Variants in DAAM1 observed in about 807,000 individuals in gnomAD.
DAAM1 encodes dishevelled associated activator of morphogenesis 1.
A neutral mutation model predicts 130.0 loss-of-function variants in DAAM1; 52 were observed. The ratio of observed to expected loss-of-function variants is 0.40; its 90% CI spans 0.32 to 0.50. The LOEUF (loss-of-function observed/expected upper bound fraction) is 0.50, where lower values mean the gene tolerates loss of function less well. DAAM1 is among the 20% of genes least tolerant of loss of function. The probability of loss-of-function intolerance (pLI) is 0.61; values close to 1 mark genes in which losing one functional copy is unlikely to be tolerated. For missense variants in DAAM1, 1,134 were observed against 1,303.8 expected (o/e 0.87, Z 2.01); for synonymous variants, 452 against 444.5 (o/e 1.02, Z -0.21).
At chr14:59,325,257 C>T (rs1344326191) in intron 8 of DAAM1, among the ~76,000 whole-genome samples, 1 of 152,130 alleles carries the variant, frequency 6.6e-6, no homozygotes, top group Non-Finnish European at 1.5e-5. Flanking sequence ...ATAGTAGGAG[C>T]TCAATACATA....
intron 15 of DAAM1, among the ~76,000 whole-genome samples, chr14:59,337,966 T>G (rs1885693718): frequency 6.6e-6 from 1 of 152,210 alleles, no homozygotes; most frequent in Admixed American, 6.5e-5. Context: ...CTATTAACAG[T>G]AGGAATAGTT....
chr14:59,295,170 A>T (rs1253020), intron 3 of DAAM1, among the ~76,000 whole-genome samples: 149,811 of 152,332 alleles, frequency 0.98, 73,712 homozygotes, highest in East Asian at 1. Context: ...TTTCCTGCTT[A>T]GTTTCTGATC....
intron 16 of DAAM1, among the ~76,000 whole-genome samples, chr14:59,346,657 GTC>G (rs1215360889): frequency 6.6e-6 from 1 of 152,090 alleles, no homozygotes; most frequent in Non-Finnish European, 1.5e-5. Flanking sequence ...AAAGGAGTGA[GTC>G]TCTTGTTGCA....
intron 5 of DAAM1, among the ~76,000 whole-genome samples, chr14:59,321,794 A>G (rs1405079403): frequency 2.0e-5 from 3 of 152,248 alleles, no homozygotes; most frequent in Non-Finnish European, 4.4e-5. Flanking sequence ...GATCTAGACT[A>G]TCCTAACTGT....
chr14:59,365,344 G>T (rs2031801), intron 23 of DAAM1, among the ~76,000 whole-genome samples: 183 of 152,306 alleles, frequency 1.2e-3, no homozygotes, highest in Non-Finnish European at 2.0e-3. Flanking sequence ...GTTGTAGACT[G>T]GCTATTGCTA....
intron 3 of DAAM1, among the ~76,000 whole-genome samples, chr14:59,301,905 C>T (rs977970609): frequency 3.3e-5 from 5 of 152,142 alleles, no homozygotes; most frequent in African/African-American, 1.2e-4. Context: ...ATTGTAAAAG[C>T]AGTGAAAAAT....
chr14:59,256,915 T>C (rs1881917179), intron 1 of DAAM1, among the ~76,000 whole-genome samples: 1 of 152,162 alleles, frequency 6.6e-6, no homozygotes, highest in African/African-American at 2.4e-5. Flanking sequence ...TTGGGCAAAA[T>C]GTTGACTGAA....
intron 1 of DAAM1, among the ~76,000 whole-genome samples, chr14:59,235,764 G>C (rs981665010): frequency 1.3e-5 from 2 of 152,082 alleles, no homozygotes; most frequent in Admixed American, 1.3e-4. Context: ...CTAGCTTTCT[G>C]ATGTGGGCAT....
At chr14:59,351,302 A>T (rs1378455018) in intron 17 of DAAM1, among the ~76,000 whole-genome samples, 1 of 152,078 alleles carries the variant, frequency 6.6e-6, no homozygotes, top group Non-Finnish European at 1.5e-5. Context: ...AATCATTTTT[A>T]ATCTCTTCTA....
rs115522775 is a variant in DAAM1 at position 59,358,994 on chromosome 14, G to A, written c.2526-403G>A. Reference sequence around the variant, plus strand: ...AAGCCTACTAGTTATAAACCTGCAGGGCACACCCCATTTTAGGGTGGATCC... The same window carrying A: ...AAGCCTACTAGTTATAAACCTGCAGAGCACACCCCATTTTAGGGTGGATCC... On this transcript the variant is annotated intron_variant, in intron 20 of 24. Transcript: ENST00000360909. Among the ~76,000 whole-genome samples the A allele has an allele frequency of 2.0e-3, 305 of 152,086 alleles. 1 individual carries two copies. Among genetic ancestry groups the A allele is most frequent in the African/African-American group, 7.2e-3 (297 of 41,460 alleles).
At position 59,369,781 on chromosome 14, in the gene DAAM1, ATGGGGTGCCTTTTTGT is replaced by A. The variant is rs1276750910; in HGVS notation, c.*924_*939del. Reference sequence around the variant, plus strand: ...AAAAAAAAAAAAAAAAAAAAAATTAATGGGGTGCCTTTTTGTTATAGTTTCTATTTTCTGTTTTGTA... The same window carrying A: ...AAAAAAAAAAAAAAAAAAAAAATTAATATAGTTTCTATTTTCTGTTTTGTA... On this transcript the variant is annotated 3_prime_UTR_variant, in exon 25 of 25. Coordinates refer to ENST00000360909, the MANE Select transcript of DAAM1 (RefSeq NM_001270520.2). 2 of 139,930 alleles carry A rather than the reference ATGGGGTGCCTTTTTGT, an allele frequency of 1.4e-5. No individual in the cohort carries two copies. Among genetic ancestry groups the A allele is most frequent in the East Asian group, 4.3e-4 (2 of 4,666 alleles). The allele number at this position is 139,930 out of a possible 1,614,324, so 8.7% of individuals were successfully genotyped here. A position where few individuals can be genotyped will look rare whatever the true frequency, so the allele number is the denominator to read the frequency against.
intron 3 of DAAM1, among the ~76,000 whole-genome samples, chr14:59,304,736 T>G (rs1481241453): frequency 6.6e-6 from 1 of 152,216 alleles, no homozygotes; most frequent in East Asian, 1.9e-4. Flanking sequence ...ATGAGTACAT[T>G]GTAGAGTTTA....
chr14:59,363,406 A>G lies in DAAM1; in HGVS notation c.2695-245A>G, dbSNP rs1001172409. 1.3e-5 allele frequency: 5 copies of G among 382,362 alleles called. 1 individual carries two copies. In the Admixed American group the frequency reaches 2.1e-4, roughly 16 times the overall value. 23.7% of individuals were successfully genotyped at this position (382,362 alleles called of 1,614,324 possible). On this transcript the variant is annotated intron_variant, in intron 22 of 24. Coordinates refer to ENST00000360909, the MANE Select transcript of DAAM1 (RefSeq NM_001270520.2). ...TTCTAAAGCCTGAAAGAGAAATCAC[A>G]TAGATCAAGTACTTAGATTGTTGGT...
At chr14:59,289,011 G>T (rs1883598168) in intron 2 of DAAM1, among the ~76,000 whole-genome samples, 1 of 152,144 alleles carries the variant, frequency 6.6e-6, no homozygotes, top group Admixed American at 6.5e-5. Flanking sequence ...CCACCTCCAG[G>T]TTCAAGCGAT....
chr14:59,349,638 C>G (rs1886212129), intron 17 of DAAM1, among the ~76,000 whole-genome samples: 1 of 152,256 alleles, frequency 6.6e-6, no homozygotes, highest in South Asian at 2.1e-4. Context: ...ATCCCCTCCT[C>G]TCTTGCTGCT....
At chr14:59,225,575 C>T (rs1425354898) in intron 1 of DAAM1, among the ~76,000 whole-genome samples, 1 of 152,184 alleles carries the variant, frequency 6.6e-6, no homozygotes, top group Non-Finnish European at 1.5e-5. Context: ...TTTAGTACCA[C>T]TTCTTCCATT....
intron 4 of DAAM1, among the ~76,000 whole-genome samples, chr14:59,319,577 T>C (rs1051115847): frequency 2.0e-5 from 3 of 152,122 alleles, no homozygotes; most frequent in Admixed American, 6.5e-5. Flanking sequence ...AAGCGTGTGT[T>C]CAGAATAGGA....
intron 15 of DAAM1, among the ~76,000 whole-genome samples, chr14:59,336,164 G>C (rs1246694234): frequency 6.6e-6 from 1 of 151,916 alleles, no homozygotes; most frequent in African/African-American, 2.4e-5. Flanking sequence ...ATTTACAAAA[G>C]TCTCAAAAAG....
At chr14:59,328,765 G>A (rs1180581766) in intron 12 of DAAM1, among the ~76,000 whole-genome samples, 1 of 152,250 alleles carries the variant, frequency 6.6e-6, no homozygotes, top group Non-Finnish European at 1.5e-5. Context: ...GATTTAGGTG[G>A]CTGAGATGGT....
Sources: allele counts gnomAD v4.1 joint callset (sites outside exome capture counted in the v4.1 genomes callset), GRCh38; gene constraint gnomAD v4.1.1; transcripts MANE v1.5; gene names NCBI Gene and HGNC (gene_info 2026-07-23, HGNC 2026-07-21).